ADK: variants seen among roughly 807,000 people sequenced by gnomAD.
The protein encoded by ADK is N6,N6-dimethyladenosine kinase.
In ADK, 24 loss-of-function variants were observed where a neutral mutation model predicts 44.7. The ratio of observed to expected loss-of-function variants is 0.54; its 90% confidence interval spans 0.39 to 0.76. The LOEUF (loss-of-function observed/expected upper bound fraction) is 0.76. ADK is among the 30% of genes least tolerant of loss of function. The probability of loss-of-function intolerance (pLI) is 0.00; values close to 1 mark genes in which losing one functional copy is unlikely to be tolerated. For missense variants in ADK, 321 were observed against 425.1 expected (o/e 0.76, Z 2.15); for synonymous variants, 128 against 142.6 (o/e 0.90, Z 0.73).
chr10:74,443,703 A>C (rs1381174446), intron 6 of ADK, among the ~76,000 whole-genome samples: 1 of 152,156 alleles, frequency 6.6e-6, no homozygotes, highest in Admixed American at 6.5e-5. Flanking sequence ...ATTAGATCTC[A>C]ATAAAGCTTT....
intron 4 of ADK, among the ~76,000 whole-genome samples, chr10:74,333,470 A>G (rs1841294820): frequency 6.6e-6 from 1 of 152,180 alleles, no homozygotes; most frequent in Non-Finnish European, 1.5e-5. Flanking sequence ...TTCTATTAGA[A>G]CCTTACTAAA....
intron 2 of ADK, among the ~76,000 whole-genome samples, chr10:74,217,970 C>T (rs975942034): frequency 1.3e-5 from 2 of 152,166 alleles, no homozygotes; most frequent in African/African-American, 4.8e-5. Flanking sequence ...AGCACCTCTC[C>T]TCCTCCAAAG....
chr10:74,612,784 A>G (rs1366245697), intron 9 of ADK, among the ~76,000 whole-genome samples: 1 of 152,104 alleles, frequency 6.6e-6, no homozygotes, highest in Non-Finnish European at 1.5e-5. Flanking sequence ...TCTTTAATCT[A>G]TCTTGAGTTA....
intron 1 of ADK, among the ~76,000 whole-genome samples, chr10:74,177,350 A>G (rs945559512): frequency 3.3e-5 from 5 of 152,138 alleles, no homozygotes; most frequent in African/African-American, 1.2e-4. Context: ...AAGTTGTGAA[A>G]TTGTGTGTCT....
At chr10:74,371,392 G>A in intron 4 of ADK, 1 of 577,138 alleles carries the variant, frequency 1.7e-6, no homozygotes, top group South Asian at 2.2e-5. Context: ...TAGATAACAT[G>A]ATCTTATATA....
chr10:74,210,244 G>A (rs11000923), intron 2 of ADK, among the ~76,000 whole-genome samples: 18,258 of 146,058 alleles, frequency 0.13, 1,135 homozygotes, highest in Middle Eastern at 0.22. Context: ...CAGGAGAATC[G>A]CTTGAACCCA....
chr10:74,707,763 C>CAAAA lies in ADK; in HGVS notation c.965-544_965-541dup, dbSNP rs565886417. 5.1e-3 allele frequency among the ~76,000 whole-genome samples: 530 copies of CAAAA among 104,006 alleles called. 8 individuals are homozygous for CAAAA. Among genetic ancestry groups the CAAAA allele is most frequent in the African/African-American group, 0.019 (494 of 25,538 alleles). 68.2% of individuals were successfully genotyped at this position (104,006 alleles called of 152,430 possible). A position where few individuals can be genotyped will look rare whatever the true frequency, so the allele number is the denominator to read the frequency against. On this transcript the variant is annotated intron_variant, in intron 10 of 10. Coordinates refer to ENST00000539909, the MANE Select transcript of ADK (RefSeq NM_006721.4). Reference sequence around the variant, plus strand: ...GGGCAACAAGAGTGGAACTCCACCTCAAAAAAAAAAAAAAAAAGGAAGACC... The same window carrying CAAAA: ...GGGCAACAAGAGTGGAACTCCACCTCAAAAAAAAAAAAAAAAAAAAAGGAAGACC...
At chr10:74,419,725 T>C (rs1209342400) in intron 6 of ADK, among the ~76,000 whole-genome samples, 4 of 152,180 alleles carry the variant, frequency 2.6e-5, no homozygotes, top group Non-Finnish European at 5.9e-5. Flanking sequence ...TAGGGAGTTT[T>C]TTAAAGAGTT....
chr10:74,345,447 A>G (rs1480814923), intron 4 of ADK, among the ~76,000 whole-genome samples: 1 of 152,112 alleles, frequency 6.6e-6, no homozygotes, highest in Non-Finnish European at 1.5e-5. Context: ...AGCTGGGATT[A>G]CAGGTGCATA....
chr10:74,284,375 C>T (rs1350463011), intron 3 of ADK, among the ~76,000 whole-genome samples: 1 of 151,768 alleles, frequency 6.6e-6, no homozygotes, highest in Non-Finnish European at 1.5e-5. Flanking sequence ...AGTGAGTCTC[C>T]TGCCTCAGCC....
intron 4 of ADK, among the ~76,000 whole-genome samples, chr10:74,321,658 C>T (rs1039526745): frequency 6.6e-6 from 1 of 152,086 alleles, no homozygotes; most frequent in Admixed American, 6.6e-5. Context: ...ATTAGATAAG[C>T]CTCCATATTT....
At chr10:74,605,863 G>A (rs531069181) in intron 9 of ADK, among the ~76,000 whole-genome samples, 13 of 152,192 alleles carry the variant, frequency 8.5e-5, no homozygotes, top group South Asian at 4.2e-4. Flanking sequence ...TTGTGAATCC[G>A]TCTGCTCCTG....
chr10:74,311,329 CAT>C (rs1291139755), intron 3 of ADK, among the ~76,000 whole-genome samples: 1 of 152,182 alleles, frequency 6.6e-6, no homozygotes, highest in Non-Finnish European at 1.5e-5. Context: ...AACACATACA[CAT>C]AGTAAAACTA....
intron 6 of ADK, among the ~76,000 whole-genome samples, chr10:74,482,404 C>G (rs1286198613): frequency 6.6e-6 from 1 of 152,174 alleles, no homozygotes; most frequent in Non-Finnish European, 1.5e-5. Context: ...CCCACCAGGC[C>G]TCTCTTGCAA....
At chr10:74,662,166 T>A (rs1854759129) in intron 9 of ADK, among the ~76,000 whole-genome samples, 1 of 152,232 alleles carries the variant, frequency 6.6e-6, no homozygotes, top group Non-Finnish European at 1.5e-5. Context: ...TTTTAGGTAA[T>A]AACACTGAGT....
chr10:74,457,415 T>C (rs1845994376), intron 6 of ADK, among the ~76,000 whole-genome samples: 1 of 152,142 alleles, frequency 6.6e-6, no homozygotes, highest in Non-Finnish European at 1.5e-5. Context: ...AGAGGAGCTG[T>C]TGGTGGGAGT....
At chr10:74,464,825 G>A (rs1846294734) in intron 6 of ADK, among the ~76,000 whole-genome samples, 1 of 151,924 alleles carries the variant, frequency 6.6e-6, no homozygotes, top group South Asian at 2.1e-4. Flanking sequence ...TGCAGCCTGG[G>A]CAACTATTTA....
intron 6 of ADK, among the ~76,000 whole-genome samples, chr10:74,469,817 C>A (rs1014183254): frequency 3.9e-5 from 6 of 152,100 alleles, no homozygotes; most frequent in Non-Finnish European, 7.4e-5. Flanking sequence ...CCCAGGCAAC[C>A]ACCATTCCAC....
chr10:74,705,065 A>G (rs893677161), intron 10 of ADK, among the ~76,000 whole-genome samples: 2 of 152,260 alleles, frequency 1.3e-5, no homozygotes, highest in African/African-American at 4.8e-5. Flanking sequence ...TCTAATACAG[A>G]GCATTCCCCA....
Sources: gnomAD v4.1 joint callset for allele counts (sites outside exome capture counted in the v4.1 genomes callset) on GRCh38, gnomAD v4.1.1 for gene constraint, MANE v1.5 for transcripts, NCBI Gene and HGNC (gene_info 2026-07-23, HGNC 2026-07-21) for gene names.